RBM45: variants seen among roughly 807,000 people sequenced by gnomAD.
RBM45 encodes RNA-binding protein 45.
RBM45 carries 39 observed loss-of-function variants against 58.5 expected under a neutral mutation model. That is an observed-to-expected ratio of 0.67 (90% CI 0.52 to 0.87). The LOEUF (loss-of-function observed/expected upper bound fraction) is 0.87, where lower values mean the gene tolerates loss of function less well. RBM45 is among the 40% of genes least tolerant of loss of function. RBM45 has a pLI of 0.00. For synonymous variants in RBM45, 193 were observed against 203.0 expected (o/e 0.95, Z 0.42); for missense variants, 481 against 581.6 (o/e 0.83, Z 1.78).
chr2:178,123,146 C>A (rs1342887145), intron 5 of RBM45, among the ~76,000 whole-genome samples: 1 of 151,980 alleles, frequency 6.6e-6, no homozygotes, highest in Non-Finnish European at 1.5e-5. Context: ...CATTTCCTAC[C>A]CAGTATGGTT....
chr2:178,137,099 T>C (rs938296212), exon 4 of RBM45: 1 of 152,186 alleles, frequency 6.6e-6, no homozygotes, highest in Admixed American at 6.5e-5. Context: ...AAATATTCTT[T>C]TTAATTTGAT....
In RBM45 at chr2:178,120,390, A is replaced by G; in HGVS notation, c.654A>G (p.Arg218=). 1 of 1,611,244 alleles carries G rather than the reference A, an allele frequency of 6.2e-7. No individual in the cohort carries two copies. Among genetic ancestry groups the G allele is most frequent in the Non-Finnish European group, 8.5e-7 (1 of 1,179,044 alleles). ...MRQEALGHEP[R]VNMFPFEQQS... The stretch of plus-strand genomic sequence containing the variant: ...AAGAAGCTTTGGGACATGAACCTAG[A>G]GTAAATATGTTTCCATTTGGTAAGT... Residue 218 remains arginine (R), a synonymous_variant, in exon 4 of 10, where the codon AGA becomes AGG. Coordinates refer to ENST00000286070, the MANE Select transcript of RBM45 (RefSeq NM_152945.4).
At chr2:178,128,837 A>G (rs980557272) in intron 9 of RBM45, among the ~76,000 whole-genome samples, 1 of 152,152 alleles carries the variant, frequency 6.6e-6, no homozygotes, top group African/African-American at 2.4e-5. Flanking sequence ...TTGTTGGTGT[A>G]TTAAATAAAC....
At chr2:178,116,837 A>G (rs1161478972) in intron 2 of RBM45, among the ~76,000 whole-genome samples, 1 of 151,958 alleles carries the variant, frequency 6.6e-6, no homozygotes, top group East Asian at 1.9e-4. Context: ...TGTGAACTGT[A>G]TTATCTAGTA....
chr2:178,133,532 A>G (rs955076381), downstream of RBM45, among the ~76,000 whole-genome samples: 9 of 152,226 alleles, frequency 5.9e-5, no homozygotes, highest in Non-Finnish European at 1.2e-4. Flanking sequence ...TCGTAAGATG[A>G]ATCTTCTTGT....
At chr2:178,117,103 CT>C (rs763658402) in intron 2 of RBM45, among the ~76,000 whole-genome samples, 20 of 152,078 alleles carry the variant, frequency 1.3e-4, no homozygotes, top group Admixed American at 1.0e-3. Flanking sequence ...AGTTTTTTAT[CT>C]TTTTTCTACT....
At chr2:178,126,649 A>T (rs918377787) in intron 9 of RBM45, among the ~76,000 whole-genome samples, 2 of 152,210 alleles carry the variant, frequency 1.3e-5, no homozygotes, top group African/African-American at 4.8e-5. Context: ...ATATCAAATA[A>T]TATATCATTT....
At chr2:178,122,365 T>C (rs968271202) in intron 5 of RBM45, among the ~76,000 whole-genome samples, 1 of 152,112 alleles carries the variant, frequency 6.6e-6, no homozygotes, top group African/African-American at 2.4e-5. Flanking sequence ...AGTAGTGACG[T>C]GAGTTTGGTC....
Position 178,138,503 on chromosome 2 carries a change from A to G in RBM45, c.*2049A>G, listed in dbSNP as rs563170767. 7.6e-4 allele frequency: 116 copies of G among 152,286 alleles called. No homozygotes were observed. The Middle Eastern group carries it at 0.01, about 13-fold the overall frequency. The allele number at this position is 152,286 out of a possible 1,614,324, so 9.4% of individuals were successfully genotyped here. On this transcript the variant is annotated 3_prime_UTR_variant, in exon 4 of 4. Coordinates refer to the RBM45 transcript ENST00000455903. ...TCCTCTTCTACACATTTTAAATGCC[A>G]TCTGGAATGGAGCAATGTCTGTAGT... is the stretch of plus-strand genomic sequence containing the variant.
intron 3 of RBM45, among the ~76,000 whole-genome samples, 190 bp from the exon 4 acceptor site, chr2:178,120,097 A>G (rs1010375290): frequency 6.6e-6 from 1 of 152,186 alleles, no homozygotes; most frequent in African/African-American, 2.4e-5. Flanking sequence ...AATTTGGGAT[A>G]CTTGCTGTTT....
At chr2:178,115,874 C>CCAG (rs1273437352) in intron 1 of RBM45, among the ~76,000 whole-genome samples, 1 of 151,904 alleles carries the variant, frequency 6.6e-6, no homozygotes. Flanking sequence ...CATTGCAGGC[C>CCAG]CAGCACAGTG....
intron 2 of RBM45, 59 bp downstream of exon 2, chr2:178,116,443 G>A (rs1213989206): frequency 4.2e-5 from 60 of 1,430,890 alleles, no homozygotes; most frequent in Non-Finnish European, 5.3e-5. Flanking sequence ...AGGTTGTATG[G>A]GTACTAAATC....
chr2:178,126,179 C>A lies in RBM45; in HGVS notation c.*3C>A. ...ACAAACGGCAAAGAACTTACTGATT[C>A]TTGAGGTAAGCCCTTTTTAATCTGA... On this transcript the variant is annotated 3_prime_UTR_variant, in exon 9 of 10. Transcript: ENST00000286070. 6.2e-7 allele frequency: 1 copy of A among 1,609,296 alleles called. No individual in the cohort carries two copies. Among genetic ancestry groups the A allele is most frequent in the Non-Finnish European group, 8.5e-7 (1 of 1,176,166 alleles).
chr2:178,118,134 A>G lies in RBM45; in HGVS notation c.503A>G (p.Tyr168Cys), dbSNP rs1446909766. The change falls in exon 3 of 10, where the codon TAC (tyrosine) becomes TGC (cysteine). Residue 168 changes from tyrosine (Y) to cysteine (C), a missense_variant. By Grantham distance (194) the Tyr-to-Cys change is radical. Transcript: ENST00000286070. ...GESKGLGYVRYLKPSQAAQAI... is the reference protein window; with the variant it reads ...GESKGLGYVRCLKPSQAAQAI... ...AGTAAAGGTTTGGGCTACGTACGAT[A>G]CTTAAAACCATCACAAGCTGCCCAA... is the stretch of plus-strand genomic sequence containing the variant. 1 of 1,613,042 alleles carries G rather than the reference A, an allele frequency of 6.2e-7. No homozygotes were observed. Among genetic ancestry groups the G allele is most frequent in the African/African-American group, 1.3e-5 (1 of 75,032 alleles).
chr2:178,112,647 A>G lies in RBM45; in HGVS notation c.101A>G (p.Lys34Arg), dbSNP rs1167671712. The change falls in exon 1 of 10, where the codon AAG becomes AGG. Residue 34 changes from lysine to arginine, a missense_variant. Physicochemically the swap from Lys to Arg is conservative, Grantham distance 26 (BLOSUM62 2). Transcript: ENST00000286070. ...PNSRIFLVIS[K>R]YTPESVLRER... ...AGCCGCATCTTCCTTGTGATCAGCAAGTACACACCTGAGTCGGTGCTGAGG... is the reference window on the plus strand; with the variant it reads ...AGCCGCATCTTCCTTGTGATCAGCAGGTACACACCTGAGTCGGTGCTGAGG... 1.2e-6 allele frequency: 2 copies of G among 1,614,230 alleles called. No homozygotes were observed. The highest frequency in any genetic ancestry group is 1.1e-5 in the South Asian group (1 of 91,086).
intron 3 of RBM45, among the ~76,000 whole-genome samples, chr2:178,135,183 A>G (rs1193290054): frequency 6.6e-6 from 1 of 152,218 alleles, no homozygotes; most frequent in Non-Finnish European, 1.5e-5. Context: ...AAGAGGATAG[A>G]GAAGAAGATT....
At chr2:178,123,227 T>C (rs1232480683) in intron 5 of RBM45, among the ~76,000 whole-genome samples, 1 of 152,230 alleles carries the variant, frequency 6.6e-6, no homozygotes, top group East Asian at 1.9e-4. Context: ...ATTGGTATCA[T>C]ATAAGAAAAG....
Position 178,125,808 on chromosome 2 carries a change from GAA to G in RBM45, c.1233-175_1233-174del, listed in dbSNP as rs531497872. The G allele has an allele frequency of 2.9e-4, 207 of 714,168 alleles. No individual in the cohort carries two copies. The African/African-American group carries it at 3.5e-3, about 12-fold the overall frequency. The allele number at this position is 714,168 out of a possible 1,614,324, so 44.2% of individuals were successfully genotyped here. A position where few individuals can be genotyped will look rare whatever the true frequency, so the allele number is the denominator to read the frequency against. Reference sequence around the variant, plus strand: ...AAGGAAAAGATGATGGTCTGAATGAGAAGAGAGATCTGAATGAGAATGAATAG... The same window carrying G: ...AAGGAAAAGATGATGGTCTGAATGAGGAGAGATCTGAATGAGAATGAATAG... On this transcript the variant is annotated intron_variant, in intron 8 of 9. Transcript: ENST00000286070.
intron 3 of RBM45, among the ~76,000 whole-genome samples, chr2:178,136,199 A>G (rs563431976): frequency 7.2e-5 from 11 of 152,300 alleles, no homozygotes; most frequent in African/African-American, 2.4e-4. Context: ...AGTCCCAGCT[A>G]CTTGGGAGGC....
Sources: allele counts gnomAD v4.1 joint callset (sites outside exome capture counted in the v4.1 genomes callset), GRCh38; gene constraint gnomAD v4.1.1; transcripts MANE v1.5; gene names NCBI Gene and HGNC (gene_info 2026-07-23, HGNC 2026-07-21).